Variants in CNTN3 observed in about 807,000 individuals in gnomAD.
The protein encoded by CNTN3 is contactin 3, also known as contactin-3.
CNTN3 carries 60 observed loss-of-function variants against 119.1 expected under a neutral mutation model. That is an observed-to-expected ratio of 0.50 (90% CI 0.41 to 0.62). The LOEUF (loss-of-function observed/expected upper bound fraction) is 0.62. Among genes scored for constraint, CNTN3 ranks in the 20% least tolerant of loss-of-function variants. CNTN3 has a pLI of 0.00. For synonymous variants in CNTN3, 450 were observed against 438.7 expected (o/e 1.03, Z -0.32); for missense variants, 1,101 against 1,242.4 (o/e 0.89, Z 1.71).
At chr3:74,327,069 C>A (rs958073754) in intron 13 of CNTN3, among the ~76,000 whole-genome samples, 1 of 145,948 alleles carries the variant, frequency 6.9e-6, no homozygotes, top group Non-Finnish European at 1.5e-5. Context: ...ATGTACATTT[C>A]CTGGGATATC....
At chr3:74,356,215 G>C (rs919787440) in intron 11 of CNTN3, among the ~76,000 whole-genome samples, 2 of 151,966 alleles carry the variant, frequency 1.3e-5, no homozygotes, top group African/African-American at 4.8e-5. Context: ...CTTGTTCTTA[G>C]ACTTCCCAGC....
chr3:74,456,762 T>G (rs1037604050), intron 4 of CNTN3, among the ~76,000 whole-genome samples: 1 of 152,126 alleles, frequency 6.6e-6, no homozygotes, highest in Non-Finnish European at 1.5e-5. Context: ...GCTGTGATTT[T>G]TCCTTGTTAT....
chr3:74,578,509 T>C (rs186084744), intron 1 of CNTN3, among the ~76,000 whole-genome samples: 1 of 152,162 alleles, frequency 6.6e-6, no homozygotes, highest in Admixed American at 6.5e-5. Flanking sequence ...TACAAGTCCA[T>C]TTTGCAAGTT....
intron 1 of CNTN3, among the ~76,000 whole-genome samples, chr3:74,582,602 G>C (rs1704530293): frequency 6.6e-6 from 1 of 152,112 alleles, no homozygotes; most frequent in African/African-American, 2.4e-5. Context: ...GAGGCTTACA[G>C]CATCAGCCAT....
chr3:74,565,411 C>T (rs1008555592), intron 1 of CNTN3, among the ~76,000 whole-genome samples: 9 of 152,162 alleles, frequency 5.9e-5, no homozygotes, highest in African/African-American at 2.2e-4. Flanking sequence ...ATCCTCCTGC[C>T]TCTCTCTTAG....
chr3:74,452,928 T>C (rs541910597), intron 4 of CNTN3, among the ~76,000 whole-genome samples: 3 of 151,426 alleles, frequency 2.0e-5, no homozygotes, highest in East Asian at 2.0e-4. Context: ...CAGTATTTTA[T>C]TGAGGATTTT....
intron 5 of CNTN3, among the ~76,000 whole-genome samples, chr3:74,417,941 C>G (rs568746808): frequency 1.1e-4 from 17 of 152,288 alleles, no homozygotes; most frequent in South Asian, 4.1e-4. Context: ...GACATTCTAA[C>G]CTATCCCCAG....
intron 2 of CNTN3, among the ~76,000 whole-genome samples, chr3:74,514,276 G>A (rs916987015): frequency 6.6e-6 from 1 of 151,994 alleles, no homozygotes; most frequent in African/African-American, 2.4e-5. Context: ...TCAATAAAAA[G>A]GATGTTGAAT....
intron 5 of CNTN3, among the ~76,000 whole-genome samples, chr3:74,375,856 T>G (rs979982907): frequency 1.4e-4 from 22 of 152,080 alleles, no homozygotes; most frequent in African/African-American, 5.3e-4. Context: ...GAGAATAAAT[T>G]TGTGTTGTAG....
chr3:74,264,418 C>A lies in CNTN3; in HGVS notation c.3070G>T (p.Val1024Leu). ...SYMPIVLFLI[V>L]YVLW is the part of the protein sequence containing the mutation. The stretch of plus-strand genomic sequence containing the variant: ...AGTTAATATCACCACAGGACATATA[C>A]AATTAAGAACAGTACTATAGGCATA... The change falls in exon 23 of 23, where the codon GTA becomes TTA. Residue 1024 changes from valine (V) to leucine (L), a missense_variant. By Grantham distance (32) the Val-to-Leu change is conservative. Coordinates refer to ENST00000263665, the MANE Select transcript of CNTN3 (RefSeq NM_020872.3). The A allele has an allele frequency of 6.3e-7, 1 of 1,589,860 alleles. No homozygotes were observed. The highest frequency in any genetic ancestry group is 8.6e-7 in the Non-Finnish European group (1 of 1,165,560).
intron 11 of CNTN3, among the ~76,000 whole-genome samples, chr3:74,340,649 T>C (rs1575737779): frequency 6.6e-6 from 1 of 152,252 alleles, no homozygotes; most frequent in East Asian, 1.9e-4. Context: ...GACCAGAAGA[T>C]GGCAGATTAT....
chr3:74,454,840 C>T (rs1176119820), intron 4 of CNTN3, among the ~76,000 whole-genome samples: 1 of 152,262 alleles, frequency 6.6e-6, no homozygotes, highest in South Asian at 2.1e-4. Context: ...TTGGCCCCCA[C>T]TCTCTTCTGG....
intron 17 of CNTN3, 73 bp from the exon 18 acceptor site, chr3:74,298,264 C>T (rs1296519801): frequency 5.6e-6 from 5 of 891,922 alleles, no homozygotes; most frequent in East Asian, 2.6e-5. Flanking sequence ...CTGTAATCCA[C>T]AGGCATTTAT....
chr3:74,344,868 T>TAC (rs59061088), intron 11 of CNTN3, among the ~76,000 whole-genome samples: 17,642 of 148,750 alleles, frequency 0.12, 1,543 homozygotes, highest in African/African-American at 0.26. Context: ...TGTATACGTA[T>TAC]ACACACACAC....
At chr3:74,549,498 C>T (rs1019601113) in intron 1 of CNTN3, among the ~76,000 whole-genome samples, 22 of 151,964 alleles carry the variant, frequency 1.4e-4, no homozygotes, top group Admixed American at 1.0e-3. Context: ...ACATGTGTTC[C>T]AAAAGATGGA....
At chr3:74,614,109 GA>G (rs999762526) in intron 1 of CNTN3, among the ~76,000 whole-genome samples, 3 of 152,138 alleles carry the variant, frequency 2.0e-5, no homozygotes, top group African/African-American at 7.2e-5. Flanking sequence ...TCCACTGCGC[GA>G]AGGGCAAGCC....
At chr3:74,278,034 A>C (rs1482251752) in intron 20 of CNTN3, among the ~76,000 whole-genome samples, 1 of 129,354 alleles carries the variant, frequency 7.7e-6, no homozygotes, top group Non-Finnish European at 1.6e-5. Flanking sequence ...AAAAAAAAAA[A>C]ACCACTTATG....
At chr3:74,586,733 TATTA>T (rs1704598948) in intron 1 of CNTN3, among the ~76,000 whole-genome samples, 1 of 152,128 alleles carries the variant, frequency 6.6e-6, no homozygotes, top group Non-Finnish European at 1.5e-5. Context: ...TAATAACTAC[TATTA>T]GTTAGTACAC....
chr3:74,362,748 T>C (rs1704103713), intron 10 of CNTN3, among the ~76,000 whole-genome samples: 1 of 152,108 alleles, frequency 6.6e-6, no homozygotes, highest in South Asian at 2.1e-4. Context: ...TTGCTGCAAA[T>C]GTGAAAAACA....
Sources: gnomAD v4.1 joint callset for allele counts (sites outside exome capture counted in the v4.1 genomes callset) on GRCh38, gnomAD v4.1.1 for gene constraint, MANE v1.5 for transcripts, NCBI Gene and HGNC (gene_info 2026-07-23, HGNC 2026-07-21) for gene names.